Variants in RIMS3 observed in about 807,000 individuals in gnomAD.
RIMS3 encodes the protein regulating synaptic membrane exocytosis protein 3.
In RIMS3, 15 loss-of-function variants were observed where a neutral mutation model predicts 29.2. The observed-to-expected ratio is 0.51, with a 90% CI of 0.34 to 0.79. The LOEUF is 0.79. RIMS3 is among the 30% of genes least tolerant of loss of function. RIMS3 has a pLI of 0.01. For synonymous variants in RIMS3, 161 were observed against 170.1 expected (o/e 0.95, Z 0.41); for missense variants, 342 against 421.4 (o/e 0.81, Z 1.65).
rs56394507 is a variant in RIMS3, at chr1:40,632,418, TTATATATATATATATATATATATA to T, written c.472+627_472+650del. Among the ~76,000 whole-genome samples the T allele has an allele frequency of 2.1e-3, 187 of 87,994 alleles. 2 individuals are homozygous for T. Among genetic ancestry groups the T allele is most frequent in the South Asian group, 6.2e-3 (11 of 1,782 alleles). 57.7% of individuals were successfully genotyped at this position (87,994 alleles called of 152,430 possible). A position where few individuals can be genotyped will look rare whatever the true frequency, so the allele number is the denominator to read the frequency against. The stretch of plus-strand genomic sequence containing the variant: ...TCCATATGAAAAAATACATATAAAT[TTATATATATATATATATATATATA>T]TATATATATATATATATATATGCCA... On this transcript the variant is annotated intron_variant, in intron 5 of 7. Coordinates refer to ENST00000372684, the MANE Select transcript of RIMS3 (RefSeq NM_014747.3).
chr1:40,631,435 G>A (rs1490309856), intron 5 of RIMS3, among the ~76,000 whole-genome samples: 1 of 152,166 alleles, frequency 6.6e-6, no homozygotes, highest in Non-Finnish European at 1.5e-5. Context: ...GCAGCCAGGA[G>A]GCCAAGGCAG....
In RIMS3 at chr1:40,654,715, T is replaced by G. The variant is rs890976130; in HGVS notation, c.-206-6873A>C. Among the ~76,000 whole-genome samples, 1 of 151,872 alleles carries G rather than the reference T, an allele frequency of 6.6e-6. No homozygotes were observed. On this transcript the variant is annotated intron_variant, in intron 1 of 7. Coordinates refer to ENST00000372684, the MANE Select transcript of RIMS3 (RefSeq NM_014747.3). This position sits in a 1 kb window ranked among gnomAD's most constrained non-coding sequence, Gnocchi z 5.3. ...TCCCTCGCAGAGAACTGCAGACATATCGCATGAAGATACATTCACCACAGA... is the reference window on the plus strand; with the variant it reads ...TCCCTCGCAGAGAACTGCAGACATAGCGCATGAAGATACATTCACCACAGA...
chr1:40,648,882 C>A (rs1027117230), intron 1 of RIMS3, among the ~76,000 whole-genome samples: 44 of 152,316 alleles, frequency 2.9e-4, no homozygotes, highest in Non-Finnish European at 6.2e-4. Flanking sequence ...CATCTAAGAC[C>A]CCTGGCCCAA....
intron 1 of RIMS3, among the ~76,000 whole-genome samples, chr1:40,651,336 G>A (rs556575934): frequency 2.0e-5 from 3 of 152,318 alleles, no homozygotes; most frequent in East Asian, 1.9e-4. Context: ...TGGGAGTGAC[G>A]CGTCAATGCG....
chr1:40,642,474 C>G (rs1055825147), intron 2 of RIMS3, among the ~76,000 whole-genome samples: 4 of 151,780 alleles, frequency 2.6e-5, no homozygotes, highest in African/African-American at 9.7e-5. Flanking sequence ...CCTGTGCAGA[C>G]TCTGGTGGGG....
the RIMS3 span, chr1:40,691,452 T>A: frequency 3.7e-6 from 1 of 272,092 alleles, no homozygotes; most frequent in African/African-American, 2.3e-5. Flanking sequence ...ACCAAGGAGA[T>A]CCACAAGGAT....
intron 1 of RIMS3, among the ~76,000 whole-genome samples, chr1:40,651,991 A>G (rs1232739835): frequency 6.6e-6 from 1 of 152,164 alleles, no homozygotes; most frequent in Non-Finnish European, 1.5e-5. Context: ...TCCTCGTGTC[A>G]CTAAAGTGCT....
intron 5 of RIMS3, among the ~76,000 whole-genome samples, chr1:40,630,660 C>T (rs763175712): frequency 3.9e-5 from 6 of 152,176 alleles, no homozygotes; most frequent in Non-Finnish European, 7.3e-5. Context: ...ACATCACTAC[C>T]GAGGTGAGCA....
the RIMS3 span, among the ~76,000 whole-genome samples, chr1:40,682,741 C>T: frequency 2.3e-3 from 175 of 77,490 alleles, 1 homozygote; most frequent in African/African-American, 3.0e-3. Context: ...CTTTGCAGAT[C>T]TTTTTTTTTT....
At chr1:40,672,930 G>T in the RIMS3 span, among the ~76,000 whole-genome samples, 2 of 151,484 alleles carry the variant, frequency 1.3e-5, no homozygotes, top group African/African-American at 4.9e-5. Flanking sequence ...CTGTAATCCT[G>T]GCACTGTGGA....
At chr1:40,643,129 T>G (rs1646570535) in intron 2 of RIMS3, among the ~76,000 whole-genome samples, 1 of 151,992 alleles carries the variant, frequency 6.6e-6, no homozygotes, top group Non-Finnish European at 1.5e-5. Context: ...CTCTCTTTTA[T>G]TTGTATTTAT....
At position 40,654,227 on chromosome 1, in the gene RIMS3, T is replaced by A. The variant is rs1219113555; in HGVS notation, c.-206-6385A>T. On this transcript the variant is annotated intron_variant, in intron 1 of 7. Transcript: ENST00000372684. The surrounding 1 kb of genome is among the most constrained non-coding windows in gnomAD (Gnocchi z 5.3). ...TCAATATTTCATGGGGGGAAGGGGC[T>A]CCAGTTACCAGCCCCGCACCAAGCC... Among the ~76,000 whole-genome samples, 1 of 146,036 alleles carries A rather than the reference T, an allele frequency of 6.8e-6. No individual in the cohort carries two copies. Among genetic ancestry groups the A allele is most frequent in the Non-Finnish European group, 1.5e-5 (1 of 66,512 alleles).
Position 40,654,312 on chromosome 1 carries a change from G to A in RIMS3, c.-206-6470C>T, listed in dbSNP as rs907486219. On this transcript the variant is annotated intron_variant, in intron 1 of 7. Coordinates refer to ENST00000372684, the MANE Select transcript of RIMS3 (RefSeq NM_014747.3). This position sits in a 1 kb window ranked among gnomAD's most constrained non-coding sequence, Gnocchi z 5.3. ...GGACCCTCCTCAGAAACCCAGCACA[G>A]GCTCGGCCCCAGGCCAGACAGACAC... 6.6e-6 allele frequency among the ~76,000 whole-genome samples: 1 copy of A among 152,178 alleles called. No individual in the cohort carries two copies. Among genetic ancestry groups the A allele is most frequent in the Non-Finnish European group, 1.5e-5 (1 of 68,030 alleles).
At chr1:40,676,634 C>G in the RIMS3 span, among the ~76,000 whole-genome samples, 4 of 151,970 alleles carry the variant, frequency 2.6e-5, no homozygotes, top group African/African-American at 9.7e-5. Context: ...CAAATCTGCT[C>G]TAAAAAAAAG....
At chr1:40,672,468 G>A in the RIMS3 span, among the ~76,000 whole-genome samples, 1 of 152,114 alleles carries the variant, frequency 6.6e-6, no homozygotes, top group Non-Finnish European at 1.5e-5. Flanking sequence ...AAAGTGCTGG[G>A]ATTACAGGCG....
At position 40,628,845 on chromosome 1, in the gene RIMS3, G is replaced by T; in HGVS notation, c.679C>A (p.Leu227Ile). 6.2e-7 allele frequency: 1 copy of T among 1,614,164 alleles called. No individual in the cohort carries two copies. Among genetic ancestry groups the T allele is most frequent in the African/African-American group, 1.3e-5 (1 of 75,044 alleles). ...TCDPLYQQAL[L>I]FDEGPQGKVL... The stretch of plus-strand genomic sequence containing the variant: ...TTGCCCTGGGGTCCCTCGTCAAAGA[G>T]CAGAGCCTGCTGGTACAGGGGATCA... The change falls in exon 7 of 8, where the codon CTC (leucine) becomes ATC (isoleucine). Residue 227 changes from leucine (L) to isoleucine (I), a missense_variant. By Grantham distance (5) the Leu-to-Ile change is conservative (BLOSUM62 2). Transcript: ENST00000372684.
Position 40,628,829 on chromosome 1 carries a change from G to A in RIMS3, c.695C>T (p.Pro232Leu). 1 of 1,614,146 alleles carries A rather than the reference G, an allele frequency of 6.2e-7. No individual in the cohort carries two copies. The highest frequency in any genetic ancestry group is 8.5e-7 in the Non-Finnish European group (1 of 1,180,026). ...ACCCACCTGCAGCACCTTGCCCTGG[G>A]GTCCCTCGTCAAAGAGCAGAGCCTG... The part of the protein sequence containing the change: ...YQQALLFDEG[P>L]QGKVLQVIVW... The change falls in exon 7 of 8, where the codon CCC becomes CTC. Residue 232 changes from proline (P) to leucine (L), a missense_variant. Physicochemically the swap from Pro to Leu is moderately conservative, Grantham distance 98. Coordinates refer to ENST00000372684, the MANE Select transcript of RIMS3 (RefSeq NM_014747.3).
the RIMS3 span, among the ~76,000 whole-genome samples, chr1:40,685,101 T>C: frequency 6.6e-6 from 1 of 151,768 alleles, no homozygotes; most frequent in Non-Finnish European, 1.5e-5. Flanking sequence ...GGCCAAGATG[T>C]GGGAGATCGC....
At chr1:40,638,157 G>A (rs895382431) in intron 3 of RIMS3, among the ~76,000 whole-genome samples, 1 of 152,186 alleles carries the variant, frequency 6.6e-6, no homozygotes, top group Non-Finnish European at 1.5e-5. Context: ...CAGATGGGAA[G>A]CCTGAGGTTC....
Sources: allele counts gnomAD v4.1 joint callset (sites outside exome capture counted in the v4.1 genomes callset), GRCh38; gene constraint gnomAD v4.1.1; non-coding constraint Gnocchi (gnomAD v3.1); transcripts MANE v1.5; gene names NCBI Gene and HGNC (gene_info 2026-07-23, HGNC 2026-07-21).